Variants in VPS13A observed in about 807,000 individuals in gnomAD.
VPS13A encodes the protein intermembrane lipid transfer protein VPS13A.
VPS13A carries 264 observed loss-of-function variants against 390.9 expected under a neutral mutation model. That is an observed-to-expected ratio of 0.68 (90% CI 0.61 to 0.75). The LOEUF (loss-of-function observed/expected upper bound fraction) is 0.75, where lower values mean the gene tolerates loss of function less well. VPS13A is among the 30% of genes least tolerant of loss of function. VPS13A has a pLI of 0.00. For synonymous variants in VPS13A, 1,231 were observed against 1,227.1 expected (o/e 1.00, Z -0.07); for missense variants, 3,409 against 3,733.9 (o/e 0.91, Z 2.27).
intron 1 of VPS13A, among the ~76,000 whole-genome samples, chr9:77,192,284 T>C (rs538240939): frequency 6.6e-6 from 1 of 152,346 alleles, no homozygotes; most frequent in Admixed American, 6.5e-5. Flanking sequence ...TGGTTCTTGG[T>C]TCTTCATATG....
rs1372664900 is a variant in VPS13A at position 77,344,208 on chromosome 9, G to T, written c.7082G>T (p.Arg2361Met). 6.2e-7 allele frequency: 1 copy of T among 1,612,734 alleles called. No homozygotes were observed. The highest frequency in any genetic ancestry group is 1.1e-5 in the South Asian group (1 of 91,058). Residue 2361 changes from arginine (R) to methionine (M), a missense_variant, in exon 51 of 72, where the codon AGG becomes ATG. This residue lies in a region of VPS13A where 2,717 missense variants were observed against 2,917.4 expected (regional missense o/e 0.93). Coordinates refer to ENST00000360280, the MANE Select transcript of VPS13A (RefSeq NM_033305.3). ...AGTAAACTTCTTATTCAAGTCGAAA[G>T]GAGTGAAGATCCTCCCAAAAGGATA... ...ASSKLLIQVE[R>M]SEDPPKRIYF...
intron 45 of VPS13A, among the ~76,000 whole-genome samples, chr9:77,327,023 C>G (rs1319566052): frequency 6.6e-6 from 1 of 152,170 alleles, no homozygotes; most frequent in African/African-American, 2.4e-5. Context: ...ATTTTCAGAT[C>G]TTGTCTCTTC....
intron 26 of VPS13A, chr9:77,279,939 A>G: frequency 2.5e-6 from 1 of 403,578 alleles, no homozygotes. Flanking sequence ...ATGAGACTTC[A>G]GTGTTGTGGC....
Position 77,323,242 on chromosome 9 carries a change from A to G in VPS13A, c.5991+15A>G, listed in dbSNP as rs775381227. ...CCCCAGTGCAGGTATGAAATGATCAATTTTGGGGGATGTCCTGTTATGCAT... is the reference window on the plus strand; with the variant it reads ...CCCCAGTGCAGGTATGAAATGATCAGTTTTGGGGGATGTCCTGTTATGCAT... On this transcript the variant is annotated intron_variant, in intron 45 of 71. Transcript: ENST00000360280. 68 of 1,612,334 alleles carry G rather than the reference A, an allele frequency of 4.2e-5. No individual in the cohort carries two copies. Among genetic ancestry groups the G allele is most frequent in the African/African-American group, 2.9e-4 (22 of 74,832 alleles).
At chr9:77,259,897 C>T (rs1230223726) in intron 22 of VPS13A, among the ~76,000 whole-genome samples, 189 bp from the exon 23 acceptor site, 1 of 152,072 alleles carries the variant, frequency 6.6e-6, no homozygotes, top group Non-Finnish European at 1.5e-5. Context: ...AGAACATAAA[C>T]CTCTGAAAAA....
chr9:77,307,846 A>G, intron 34 of VPS13A, 99 bp from the exon 35 acceptor site: 6 of 984,386 alleles, frequency 6.1e-6, no homozygotes, highest in Non-Finnish European at 9.2e-6. Context: ...TAGAGGATTG[A>G]AACAGTCTTT....
chr9:77,323,330 T>TA, intron 45 of VPS13A, 103 bp downstream of exon 45: 3 of 1,369,866 alleles, frequency 2.2e-6, no homozygotes, highest in Non-Finnish European at 3.1e-6. Context: ...ATATAAACCG[T>TA]AACAGTAATA....
In VPS13A at chr9:77,221,217, T is replaced by G. The variant is rs773611477; in HGVS notation, c.1022T>G (p.Val341Gly). The G allele has an allele frequency of 6.2e-7, 1 of 1,613,514 alleles. No homozygotes were observed. The highest frequency in any genetic ancestry group is 8.5e-7 in the Non-Finnish European group (1 of 1,179,562). The change falls in exon 13 of 72, where the codon GTA (valine) becomes GGA (glycine). Residue 341 changes from valine (V) to glycine (G), a missense_variant. Around this residue, in one of 5 missense-constraint regions of VPS13A, gnomAD observed 2,717 missense variants for 2,917.4 expected, o/e 0.93. Transcript: ENST00000360280. ...TATGCTATACATGGCGTTCTTGAAG[T>G]AAATGTTTGCCCCAGGTTATGGATG... Reference protein sequence around the residue: ...WAYAIHGVLEVNVCPRLWMWS... With the variant: ...WAYAIHGVLEGNVCPRLWMWS...
At chr9:77,321,871 A>G in intron 44 of VPS13A, 125 bp downstream of exon 44, 2 of 1,119,712 alleles carry the variant, frequency 1.8e-6, no homozygotes, top group East Asian at 2.5e-5. Context: ...TTTTTAAAAT[A>G]TCCTTTCTAA....
chr9:77,397,067 C>T (rs1219911323), intron 68 of VPS13A, among the ~76,000 whole-genome samples: 1 of 152,222 alleles, frequency 6.6e-6, no homozygotes. Context: ...CAGCTCACTG[C>T]AACCTCTGCC....
At chr9:77,370,748 GT>G (rs1270317971) in intron 65 of VPS13A, 141 bp from the exon 66 acceptor site, 6 of 1,388,924 alleles carry the variant, frequency 4.3e-6, no homozygotes, top group Non-Finnish European at 5.0e-6. Context: ...AAAACATTCT[GT>G]TTAAATAAAA....
intron 1 of VPS13A, 64 bp from the exon 2 acceptor site, chr9:77,199,881 A>G (rs971120184): frequency 1.1e-4 from 147 of 1,331,416 alleles, no homozygotes; most frequent in Non-Finnish European, 1.5e-4. Context: ...AATGAAGCAT[A>G]CATATTAACT....
intron 58 of VPS13A, 81 bp from the exon 59 acceptor site, chr9:77,360,455 C>T (rs1587657278): frequency 9.5e-7 from 1 of 1,051,682 alleles, no homozygotes; most frequent in Non-Finnish European, 1.5e-6. Context: ...ATATTGATCT[C>T]ATACTTTTTT....
chr9:77,204,631 C>T (rs1206697180), intron 3 of VPS13A, among the ~76,000 whole-genome samples: 1 of 151,760 alleles, frequency 6.6e-6, no homozygotes, highest in Non-Finnish European at 1.5e-5. Context: ...TACAATCTAC[C>T]TTTCATTGCG....
intron 1 of VPS13A, among the ~76,000 whole-genome samples, chr9:77,186,104 C>T (rs747030418): frequency 9.9e-5 from 15 of 152,174 alleles, no homozygotes; most frequent in Non-Finnish European, 1.3e-4. Flanking sequence ...GGCGACAGTG[C>T]GAAACTCTGT....
chr9:77,269,486 C>T (rs556442858), intron 23 of VPS13A, among the ~76,000 whole-genome samples: 1 of 152,268 alleles, frequency 6.6e-6, no homozygotes, highest in East Asian at 1.9e-4. Context: ...GTTAGTCCTC[C>T]AACTTTTTGT....
rs1433129180 is a variant in VPS13A at position 77,417,572 on chromosome 9, C to T, written c.*1566C>T. On this transcript the variant is annotated 3_prime_UTR_variant, in exon 72 of 72. Coordinates refer to ENST00000360280, the MANE Select transcript of VPS13A (RefSeq NM_033305.3). ...AAAAAAAAAAAAGTGCTTATTTTCT[C>T]TGTCGCTAAGCTCCTCCAGTTTTGC... 1 of 151,780 alleles carries T rather than the reference C, an allele frequency of 6.6e-6. No individual in the cohort carries two copies. The highest frequency in any genetic ancestry group is 1.5e-5 in the Non-Finnish European group (1 of 67,966). The allele number at this position is 151,780 out of a possible 1,614,324, so 9.4% of individuals were successfully genotyped here. A position where few individuals can be genotyped will look rare whatever the true frequency, so the allele number is the denominator to read the frequency against.
chr9:77,317,005 T>C (rs536421051), intron 39 of VPS13A, among the ~76,000 whole-genome samples: 1 of 152,198 alleles, frequency 6.6e-6, no homozygotes, highest in African/African-American at 2.4e-5. Context: ...TATTTGAGCT[T>C]CTGAAGGAGT....
In VPS13A at chr9:77,301,264, A is replaced by G. The variant is rs907295989; in HGVS notation, c.3813-1651A>G. Among the ~76,000 whole-genome samples, 13 of 152,226 alleles carry G rather than the reference A, an allele frequency of 8.5e-5. 1 individual carries two copies. Among genetic ancestry groups the G allele is most frequent in the Non-Finnish European group, 1.5e-4 (10 of 68,034 alleles). ...TTGGAAAATATGAAATTTTAATCAT[A>G]GAAGGTTAATTAAAATACTAGTATA... On this transcript the variant is annotated intron_variant, in intron 33 of 71. Coordinates refer to ENST00000360280, the MANE Select transcript of VPS13A (RefSeq NM_033305.3).
Sources: allele counts gnomAD v4.1 joint callset (sites outside exome capture counted in the v4.1 genomes callset), GRCh38; gene constraint gnomAD v4.1.1; regional missense constraint gnomAD v4.1.1; transcripts MANE v1.5; gene names NCBI Gene and HGNC (gene_info 2026-07-23, HGNC 2026-07-21).